The following COX10 variants were observed in gnomAD, a reference collection of about 807,000 sequenced individuals.
COX10 encodes cytochrome c oxidase assembly factor heme A:farnesyltransferase COX10.
COX10 carries 27 observed loss-of-function variants against 37.3 expected under a neutral mutation model. The ratio of observed to expected loss-of-function variants is 0.72; its 90% CI spans 0.53 to 1.00. The LOEUF (loss-of-function observed/expected upper bound fraction) is 1.00, where lower values mean the gene tolerates loss of function less well. Among genes scored for constraint, COX10 ranks in the 50% least tolerant of loss-of-function variants. COX10 has a pLI of 0.00. For synonymous variants in COX10, 222 were observed against 229.1 expected (o/e 0.97, Z 0.28); for missense variants, 475 against 563.2 (o/e 0.84, Z 1.59).
intron 4 of COX10, among the ~76,000 whole-genome samples, chr17:14,108,037 A>G (rs1915935323): frequency 6.6e-6 from 1 of 152,168 alleles, no homozygotes; most frequent in Non-Finnish European, 1.5e-5. Flanking sequence ...CACTTGTAGT[A>G]TTGCTGTATA....
intron 1 of COX10, among the ~76,000 whole-genome samples, chr17:14,070,978 T>C (rs147327307): frequency 6.6e-6 from 1 of 152,348 alleles, no homozygotes; most frequent in East Asian, 1.9e-4. Flanking sequence ...GGTACTCTTC[T>C]GCTTTTACAC....
intron 3 of COX10, among the ~76,000 whole-genome samples, chr17:14,090,888 G>T (rs1009663129): frequency 6.6e-6 from 1 of 152,158 alleles, no homozygotes. Context: ...CTGTCTTGTT[G>T]ACTATTACAT....
intron 3 of COX10, among the ~76,000 whole-genome samples, chr17:14,095,978 T>C (rs1161302079): frequency 3.3e-5 from 5 of 152,196 alleles, no homozygotes; most frequent in Non-Finnish European, 7.4e-5. Flanking sequence ...AAAAGGCATT[T>C]ATTTCTTACA....
At chr17:14,142,337 CTG>C (rs548001448) in intron 4 of COX10, among the ~76,000 whole-genome samples, 158 of 152,290 alleles carry the variant, frequency 1.0e-3, no homozygotes, top group African/African-American at 3.7e-3. Context: ...AGACAGAAAA[CTG>C]TGACACAGGC....
intron 1 of COX10, 95 bp downstream of exon 1, chr17:14,069,743 C>A (rs1211549511): frequency 3.3e-6 from 5 of 1,532,020 alleles, no homozygotes; most frequent in African/African-American, 1.4e-5. Context: ...CCTTGGGGAG[C>A]CCTTGGCGAG....
In COX10 at chr17:14,102,110, T is replaced by C; in HGVS notation, c.500-8T>C. The stretch of plus-strand genomic sequence containing the variant: ...TAACAGTGTGTCTGCTCTGTTTCTG[T>C]ATCGCAGCTCTGGTTGTAAGTACCA... On this transcript the variant is annotated splice_region_variant and splice_polypyrimidine_tract_variant and intron_variant, in intron 3 of 6. Transcript: ENST00000261643. 6.2e-7 allele frequency: 1 copy of C among 1,613,572 alleles called. No homozygotes were observed. The highest frequency in any genetic ancestry group is 1.7e-4 in the Middle Eastern group (1 of 6,042).
At chr17:14,069,673 C>T (rs1567583894) in intron 1 of COX10, 25 bp downstream of exon 1, 3 of 1,613,888 alleles carry the variant, frequency 1.9e-6, no homozygotes, top group Non-Finnish European at 2.5e-6. Flanking sequence ...TTGGGCACGA[C>T]CTTGGGGGAA....
intron 3 of COX10, among the ~76,000 whole-genome samples, chr17:14,081,844 C>T (rs144766257): frequency 1.3e-3 from 191 of 152,212 alleles, no homozygotes; most frequent in African/African-American, 4.5e-3. Flanking sequence ...GACACAATTA[C>T]GGGCTTCTGG....
intron 3 of COX10, among the ~76,000 whole-genome samples, chr17:14,089,593 G>A (rs1024751404): frequency 1.3e-5 from 2 of 152,208 alleles, no homozygotes; most frequent in South Asian, 2.1e-4. Context: ...GAAGAACACC[G>A]TAAGCTTTCC....
At chr17:14,193,298 C>CTCATCTCCCACATGGGGCTAATAA (rs1432648447) in intron 6 of COX10, among the ~76,000 whole-genome samples, 2 of 152,178 alleles carry the variant, frequency 1.3e-5, no homozygotes, top group Non-Finnish European at 2.9e-5. Flanking sequence ...CCACTGTCTC[C>CTCATCTCCCACATGGGGCTAATAA]TCATCTCCCA....
chr17:14,105,336 C>T (rs1467793524), intron 4 of COX10, among the ~76,000 whole-genome samples: 1 of 152,150 alleles, frequency 6.6e-6, no homozygotes, highest in Non-Finnish European at 1.5e-5. Context: ...ATAAGTAACA[C>T]TGCACAGATC....
chr17:14,121,357 G>A (rs555181854), intron 4 of COX10, among the ~76,000 whole-genome samples: 5 of 152,312 alleles, frequency 3.3e-5, no homozygotes, highest in Admixed American at 2.0e-4. Context: ...GCTGAGGGAT[G>A]CGTATCTTAA....
At chr17:14,165,145 CAT>C (rs1487703008) in intron 5 of COX10, among the ~76,000 whole-genome samples, 1 of 152,208 alleles carries the variant, frequency 6.6e-6, no homozygotes, top group African/African-American at 2.4e-5. Flanking sequence ...AAGAGAAAAA[CAT>C]ATAAATGTAA....
At chr17:14,199,532 A>T (rs1906464515) in intron 6 of COX10, among the ~76,000 whole-genome samples, 1 of 152,120 alleles carries the variant, frequency 6.6e-6, no homozygotes, top group Non-Finnish European at 1.5e-5. Flanking sequence ...AAACCTCCTC[A>T]TGACTCTGCC....
At chr17:14,137,304 GTC>G (rs1904404681) in intron 4 of COX10, among the ~76,000 whole-genome samples, 1 of 150,872 alleles carries the variant, frequency 6.6e-6, no homozygotes. Context: ...AGAAAAAGTG[GTC>G]TCAGTAAATT....
chr17:14,143,655 G>C (rs78687725), intron 4 of COX10, among the ~76,000 whole-genome samples: 7,696 of 152,130 alleles, frequency 0.051, 346 homozygotes, highest in African/African-American at 0.12. Flanking sequence ...AAAACAAACT[G>C]TAATCTTAGA....
At chr17:14,120,157 C>T (rs1040976074) in intron 4 of COX10, among the ~76,000 whole-genome samples, 7 of 152,128 alleles carry the variant, frequency 4.6e-5, no homozygotes, top group African/African-American at 1.2e-4. Context: ...CTACCCAAAG[C>T]GGACCTAGGT....
In COX10 at chr17:14,208,163, G is replaced by A. The variant is rs1042063921; in HGVS notation, c.*950G>A. 2 of 152,188 alleles carry A rather than the reference G, an allele frequency of 1.3e-5. No individual in the cohort carries two copies. Among genetic ancestry groups the A allele is most frequent in the Admixed American group, 6.5e-5 (1 of 15,274 alleles). 9.4% of individuals were successfully genotyped at this position (152,188 alleles called of 1,614,324 possible). A position where few individuals can be genotyped will look rare whatever the true frequency, so the allele number is the denominator to read the frequency against. On this transcript the variant is annotated 3_prime_UTR_variant, in exon 7 of 7. Transcript: ENST00000261643. ...CCTGTCCCTTGGGTGAAAAATACAT[G>A]TCCATCCTGATATCTCCTGAATTCA...
intron 5 of COX10, among the ~76,000 whole-genome samples, chr17:14,175,269 G>A (rs1349808423): frequency 8.0e-4 from 119 of 149,508 alleles, no homozygotes; most frequent in Admixed American, 1.5e-3. Flanking sequence ...TGAAAATTAT[G>A]TTCTGTTTTA....
Sources: gnomAD v4.1 joint callset for allele counts (sites outside exome capture counted in the v4.1 genomes callset) on GRCh38, gnomAD v4.1.1 for gene constraint, MANE v1.5 for transcripts, NCBI Gene and HGNC (gene_info 2026-07-23, HGNC 2026-07-21) for gene names.